UNC5D: variants seen among roughly 807,000 people sequenced by gnomAD.
UNC5D encodes unc-5 netrin receptor D, also known as netrin receptor UNC5D.
A neutral mutation model predicts 105.4 loss-of-function variants in UNC5D; 39 were observed. The observed-to-expected ratio is 0.37, with a 90% CI of 0.29 to 0.48. The LOEUF (loss-of-function observed/expected upper bound fraction) is 0.48, where lower values mean the gene tolerates loss of function less well. UNC5D is among the 20% of genes least tolerant of loss of function. The pLI is 0.98. For synonymous variants in UNC5D, 452 were observed against 450.4 expected, an observed-to-expected ratio of 1.00 and a Z score of -0.04; for missense variants, 991 against 1,202.4, an observed-to-expected ratio of 0.82 and a Z score of 2.60.
intron 1 of UNC5D, among the ~76,000 whole-genome samples, chr8:35,236,111 C>A (rs1202892886): frequency 6.6e-6 from 1 of 152,210 alleles, no homozygotes; most frequent in Admixed American, 6.5e-5. Flanking sequence ...GACCCGGGCC[C>A]CTACCGTTTT....
In UNC5D at chr8:35,726,412, C is replaced by T. The variant is rs1359205906; in HGVS notation, c.1564C>T (p.His522Tyr). 11 of 1,614,070 alleles carry T rather than the reference C, an allele frequency of 6.8e-6. No homozygotes were observed. The highest frequency in any genetic ancestry group is 9.3e-6 in the Non-Finnish European group (11 of 1,180,040). Residue 522 changes from histidine to tyrosine, a missense_variant, in exon 10 of 17, where the codon CAT (histidine) becomes TAT (tyrosine). Physicochemically the swap from His to Tyr is moderately conservative, Grantham distance 83 (BLOSUM62 2). Around this residue, in one of 3 missense-constraint regions of UNC5D, gnomAD observed 944 missense variants for 1,131.6 expected, o/e 0.83. Transcript: ENST00000404895. The stretch of plus-strand genomic sequence containing the variant: ...AAACAACCACAGCTTTAGTACAATG[C>T]ATCCCAGAAATAAAATGCCCTACAT... ...HGNNHSFSTMHPRNKMPYIQN... is the reference protein window; with the variant it reads ...HGNNHSFSTMYPRNKMPYIQN...
intron 1 of UNC5D, among the ~76,000 whole-genome samples, chr8:35,367,671 A>AT (rs1802197225): frequency 6.6e-6 from 1 of 152,228 alleles, no homozygotes; most frequent in East Asian, 1.9e-4. Flanking sequence ...AATTAAAAAT[A>AT]TGGCATTAGT....
intron 1 of UNC5D, among the ~76,000 whole-genome samples, chr8:35,384,453 G>T (rs1803257907): frequency 6.6e-6 from 1 of 152,042 alleles, no homozygotes. Context: ...CCTTTAAATT[G>T]GAAGGGGTTT....
chr8:35,607,198 G>A (rs745740018), intron 4 of UNC5D, among the ~76,000 whole-genome samples: 5 of 152,198 alleles, frequency 3.3e-5, no homozygotes, highest in Non-Finnish European at 7.4e-5. Flanking sequence ...GCTGTGGAAC[G>A]AGGGAACAAA....
intron 1 of UNC5D, among the ~76,000 whole-genome samples, chr8:35,350,966 T>C (rs902638986): frequency 3.9e-5 from 6 of 152,096 alleles, no homozygotes; most frequent in African/African-American, 1.4e-4. Context: ...TCCGAAAATA[T>C]CTAAAAAGTT....
chr8:35,263,923 A>C (rs570359606), intron 1 of UNC5D, among the ~76,000 whole-genome samples: 2 of 152,348 alleles, frequency 1.3e-5, no homozygotes, highest in Admixed American at 6.5e-5. Flanking sequence ...AATAGTATAA[A>C]ATTGTCACAA....
At chr8:35,521,645 T>C (rs1437233089) in intron 1 of UNC5D, among the ~76,000 whole-genome samples, 2 of 152,178 alleles carry the variant, frequency 1.3e-5, no homozygotes, top group Non-Finnish European at 2.9e-5. Flanking sequence ...AGTTAGTTGA[T>C]CCTAATGCTG....
At chr8:35,526,591 C>G (rs1813895223) in intron 1 of UNC5D, among the ~76,000 whole-genome samples, 1 of 151,658 alleles carries the variant, frequency 6.6e-6, no homozygotes, top group East Asian at 1.9e-4. Context: ...TTTTTTGTTT[C>G]TGCAATGCTA....
chr8:35,729,837 C>A (rs1040792561), intron 10 of UNC5D, among the ~76,000 whole-genome samples: 2 of 152,148 alleles, frequency 1.3e-5, no homozygotes, highest in African/African-American at 2.4e-5. Flanking sequence ...TTTAAACGTG[C>A]CTTATTCTTA....
intron 1 of UNC5D, among the ~76,000 whole-genome samples, chr8:35,329,400 G>GATATATATATAT (rs36221011): frequency 1.4e-5 from 2 of 147,302 alleles, no homozygotes; most frequent in African/African-American, 5.0e-5. Flanking sequence ...TTATTGGGTT[G>GATATATATATAT]ATATATATAT....
chr8:35,379,840 T>C (rs1256147844), intron 1 of UNC5D, among the ~76,000 whole-genome samples: 4 of 152,096 alleles, frequency 2.6e-5, no homozygotes, highest in African/African-American at 7.2e-5. Context: ...CAAGGTATGT[T>C]TTGATATATA....
chr8:35,574,951 C>T lies in UNC5D; in HGVS notation c.466+6710C>T, dbSNP rs138979954. Among the ~76,000 whole-genome samples the T allele has an allele frequency of 2.4e-4, 36 of 152,222 alleles. 1 individual carries two copies. In the East Asian group the frequency reaches 6.4e-3, roughly 27 times the overall value. On this transcript the variant is annotated intron_variant, in intron 3 of 16. Coordinates refer to ENST00000404895, the MANE Select transcript of UNC5D (RefSeq NM_080872.4). ...CTCCCTAAATCCAAGGGCCATCTTG[C>T]ATGCTGTTTCCTTCACAAAACCTAG...
At chr8:35,595,374 A>G (rs1819425754) in intron 3 of UNC5D, among the ~76,000 whole-genome samples, 180 bp from the exon 4 acceptor site, 1 of 152,132 alleles carries the variant, frequency 6.6e-6, no homozygotes, top group East Asian at 1.9e-4. Flanking sequence ...GTTATTTCAC[A>G]TGCATTTATG....
At chr8:35,346,958 A>G (rs761158960) in intron 1 of UNC5D, among the ~76,000 whole-genome samples, 3 of 152,014 alleles carry the variant, frequency 2.0e-5, no homozygotes, top group Admixed American at 6.6e-5. Context: ...TCAGAGCAAC[A>G]CAATACATCA....
intron 3 of UNC5D, among the ~76,000 whole-genome samples, chr8:35,579,922 A>G (rs1012447703): frequency 2.8e-4 from 43 of 152,152 alleles, no homozygotes; most frequent in African/African-American, 9.9e-4. Context: ...AATCTTTGAG[A>G]GTGTTGATAT....
intron 2 of UNC5D, among the ~76,000 whole-genome samples, chr8:35,559,285 G>T (rs967844958): frequency 6.6e-6 from 1 of 152,200 alleles, no homozygotes; most frequent in African/African-American, 2.4e-5. Context: ...TACTGCTTCT[G>T]TATGGTTGGG....
intron 4 of UNC5D, among the ~76,000 whole-genome samples, chr8:35,643,999 G>A (rs1247386672): frequency 1.3e-5 from 2 of 152,068 alleles, no homozygotes; most frequent in East Asian, 1.9e-4. Context: ...TAAAGCTGTT[G>A]GGGATATTGA....
intron 1 of UNC5D, among the ~76,000 whole-genome samples, chr8:35,435,537 A>G (rs1268567127): frequency 6.6e-6 from 1 of 152,152 alleles, no homozygotes; most frequent in Admixed American, 6.6e-5. Context: ...TGTGATAACA[A>G]TAATCCAATT....
At chr8:35,321,465 T>TA (rs1809736251) in intron 1 of UNC5D, among the ~76,000 whole-genome samples, 1 of 152,164 alleles carries the variant, frequency 6.6e-6, no homozygotes, top group South Asian at 2.1e-4. Context: ...CTCCTGTGTT[T>TA]ATTCCTTCTG....
Sources: gnomAD v4.1 joint callset for allele counts (sites outside exome capture counted in the v4.1 genomes callset) on GRCh38, gnomAD v4.1.1 for gene constraint, gnomAD v4.1.1 regional missense constraint, MANE v1.5 for transcripts, NCBI Gene and HGNC (gene_info 2026-07-23, HGNC 2026-07-21) for gene names.